Variants in KAZN observed in about 807,000 individuals in gnomAD.
KAZN encodes kazrin, periplakin interacting protein.
A neutral mutation model predicts 87.4 loss-of-function variants in KAZN; 40 were observed. The observed-to-expected ratio is 0.46, with a 90% CI of 0.36 to 0.60. The LOEUF (loss-of-function observed/expected upper bound fraction) is 0.60, where lower values mean the gene tolerates loss of function less well. Ranked by LOEUF, KAZN falls within the 20% of genes least tolerant of loss-of-function variation. The pLI is 0.00. For synonymous variants in KAZN, 466 were observed against 458.3 expected (o/e 1.02, Z -0.22); for missense variants, 898 against 1,073.9 (o/e 0.84, Z 2.29).
Position 14,025,776 on chromosome 1 carries a change from AT to A in KAZN, c.91+132021del, listed in dbSNP as rs1280079141. Among the ~76,000 whole-genome samples the A allele has an allele frequency of 5.9e-4, 90 of 152,154 alleles. 1 individual carries two copies. The highest frequency in any genetic ancestry group is 3.1e-4 in the Non-Finnish European group (21 of 68,026). ...TAAATTTAAATAGCCAATATGGGTA[AT>A]GGCTACCATATTGGCTCCAGATCTT... On this transcript the variant is annotated intron_variant, in intron 1 of 16. Transcript: ENST00000636203.
At chr1:13,935,189 A>G (rs1212314886) in intron 1 of KAZN, among the ~76,000 whole-genome samples, 3 of 151,902 alleles carry the variant, frequency 2.0e-5, no homozygotes, top group Non-Finnish European at 2.9e-5. Context: ...GTGAGCCGAG[A>G]TGGCGCCATT....
At chr1:14,670,051 G>C (rs1376657115) in intron 1 of KAZN, among the ~76,000 whole-genome samples, 1 of 152,036 alleles carries the variant, frequency 6.6e-6, no homozygotes, top group Admixed American at 6.6e-5. Flanking sequence ...TAGCTGATCT[G>C]GTCTATGTAG....
chr1:14,023,625 T>C (rs1459536983), intron 1 of KAZN, among the ~76,000 whole-genome samples: 5 of 151,998 alleles, frequency 3.3e-5, no homozygotes, highest in Admixed American at 6.6e-5. Context: ...GTGGATTTCA[T>C]AGGAGAGGAA....
chr1:14,092,282 G>A lies in KAZN; in HGVS notation c.92-88153G>A, dbSNP rs1009688318. Among the ~76,000 whole-genome samples, 4 of 150,722 alleles carry A rather than the reference G, an allele frequency of 2.7e-5. No homozygotes were observed. In the South Asian group the frequency reaches 8.4e-4, roughly 32 times the overall value. ...ATTTTTTTGTATTTTTAGTAGAGAC[G>A]GGGTTTCACTGTGTTAGCCAGGATG... On this transcript the variant is annotated intron_variant, in intron 1 of 16. Coordinates refer to the KAZN transcript ENST00000636203.
At chr1:14,386,950 C>T (rs974317449) in intron 2 of KAZN, among the ~76,000 whole-genome samples, 5 of 152,198 alleles carry the variant, frequency 3.3e-5, no homozygotes, top group Admixed American at 2.6e-4. Context: ...TTCAGGTACA[C>T]CAGTCAGACA....
chr1:14,239,849 G>A (rs937233336), intron 2 of KAZN, among the ~76,000 whole-genome samples: 3 of 152,084 alleles, frequency 2.0e-5, no homozygotes, highest in Non-Finnish European at 2.9e-5. Context: ...AACCAACAAT[G>A]GGTGGGAAGA....
At chr1:14,169,601 T>C (rs1645907891) in intron 1 of KAZN, among the ~76,000 whole-genome samples, 1 of 152,040 alleles carries the variant, frequency 6.6e-6, no homozygotes, top group Non-Finnish European at 1.5e-5. Context: ...AGGGTGTCCA[T>C]CCCCGAGGAC....
chr1:14,947,937 G>A (rs1403152049), intron 1 of KAZN, among the ~76,000 whole-genome samples: 2 of 152,248 alleles, frequency 1.3e-5, no homozygotes, highest in Non-Finnish European at 2.9e-5. Context: ...GAACTTGAAA[G>A]GTTTGTGACA....
chr1:14,142,260 A>G (rs1347455170), intron 1 of KAZN, among the ~76,000 whole-genome samples: 1 of 152,170 alleles, frequency 6.6e-6, no homozygotes, highest in Non-Finnish European at 1.5e-5. Flanking sequence ...TGAAGTCTTT[A>G]AAACCTCCAT....
At chr1:14,357,410 T>G (rs1659127885) in intron 2 of KAZN, among the ~76,000 whole-genome samples, 1 of 152,192 alleles carries the variant, frequency 6.6e-6, no homozygotes, top group African/African-American at 2.4e-5. Context: ...GGAATACCCT[T>G]TATTTCTTTC....
intron 1 of KAZN, among the ~76,000 whole-genome samples, chr1:14,648,260 G>A (rs1385059657): frequency 6.6e-6 from 1 of 152,182 alleles, no homozygotes; most frequent in Non-Finnish European, 1.5e-5. Flanking sequence ...CTCTGGGCAT[G>A]GGAATAGAGA....
At chr1:15,088,769 G>T (rs1049868534) in intron 8 of KAZN, among the ~76,000 whole-genome samples, 1 of 152,062 alleles carries the variant, frequency 6.6e-6, no homozygotes, top group African/African-American at 2.4e-5. Context: ...TCAGTCCTCA[G>T]GGGTGGGGGA....
At chr1:14,352,663 A>G (rs1658646658) in intron 2 of KAZN, among the ~76,000 whole-genome samples, 1 of 152,148 alleles carries the variant, frequency 6.6e-6, no homozygotes, top group Non-Finnish European at 1.5e-5. Context: ...CACGTGAGAG[A>G]AAAAAAGGCA....
At chr1:14,851,661 G>A (rs1334841993) in intron 1 of KAZN, among the ~76,000 whole-genome samples, 1 of 152,224 alleles carries the variant, frequency 6.6e-6, no homozygotes, top group African/African-American at 2.4e-5. Context: ...TTCCACCTGG[G>A]CGTTGACTTA....
chr1:14,629,844 A>G (rs943156606), intron 1 of KAZN, among the ~76,000 whole-genome samples: 2 of 152,120 alleles, frequency 1.3e-5, no homozygotes, highest in Admixed American at 6.5e-5. Flanking sequence ...AGGAAGCTGC[A>G]CACCCTGGGG....
intron 1 of KAZN, among the ~76,000 whole-genome samples, chr1:14,640,194 G>A (rs1260524731): frequency 6.6e-6 from 1 of 152,048 alleles, no homozygotes; most frequent in Non-Finnish European, 1.5e-5. Flanking sequence ...CACTATATTA[G>A]ATACTGCTTA....
At chr1:14,688,319 T>C (rs550244608) in intron 1 of KAZN, among the ~76,000 whole-genome samples, 1 of 152,178 alleles carries the variant, frequency 6.6e-6, no homozygotes, top group Non-Finnish European at 1.5e-5. Context: ...TAAAAGACAG[T>C]GTTGAGCTAG....
At chr1:14,307,927 C>T (rs1025144001) in intron 2 of KAZN, among the ~76,000 whole-genome samples, 3 of 152,176 alleles carry the variant, frequency 2.0e-5, no homozygotes, top group Non-Finnish European at 4.4e-5. Flanking sequence ...AATATTGGGA[C>T]AACAGAACAT....
At chr1:14,768,719 AT>A (rs1370875616) in intron 1 of KAZN, among the ~76,000 whole-genome samples, 1 of 152,228 alleles carries the variant, frequency 6.6e-6, no homozygotes, top group Non-Finnish European at 1.5e-5. Context: ...TCCAATGCCC[AT>A]GGAAACCTGG....
Sources: allele counts gnomAD v4.1 joint callset (sites outside exome capture counted in the v4.1 genomes callset), GRCh38; gene constraint gnomAD v4.1.1; transcripts MANE v1.5; gene names NCBI Gene and HGNC (gene_info 2026-07-23, HGNC 2026-07-21).